Variants in ALS2CL observed in about 807,000 individuals in gnomAD.
ALS2CL encodes the protein ALS2 C-terminal like.
A neutral mutation model predicts 127.9 loss-of-function variants in ALS2CL; 112 were observed. The observed-to-expected ratio is 0.88, with a 90% CI of 0.75 to 1.02. The LOEUF (loss-of-function observed/expected upper bound fraction) is 1.02. Ranked by LOEUF, ALS2CL falls within the 50% of genes least tolerant of loss-of-function variation. The pLI, the probability that ALS2CL is intolerant of heterozygous loss-of-function variation, is 0.00. For synonymous variants in ALS2CL, 519 were observed against 527.6 expected, an observed-to-expected ratio of 0.98 and a Z score of 0.22; for missense variants, 1,174 against 1,236.7, an observed-to-expected ratio of 0.95 and a Z score of 0.76.
intron 16 of ALS2CL, 92 bp downstream of exon 16, chr3:46,678,167 A>C: frequency 1.5e-6 from 2 of 1,336,030 alleles, no homozygotes; most frequent in Non-Finnish European, 9.8e-7. Context: ...AGGTGGGTGC[A>C]AAAAGGCCCC....
chr3:46,680,180 T>C (rs966366103), intron 14 of ALS2CL: 6 of 501,310 alleles, frequency 1.2e-5, no homozygotes, highest in South Asian at 2.8e-5. Context: ...TGTTAGTTCA[T>C]TGAGTCTATG....
intron 9 of ALS2CL, 81 bp downstream of exon 9, chr3:46,683,701 C>G (rs1699543952): frequency 6.5e-7 from 1 of 1,541,732 alleles, no homozygotes; most frequent in Admixed American, 1.7e-5. Flanking sequence ...CTGTGGGGCC[C>G]TGCAGGGTTG....
At chr3:46,682,615 T>C (rs1270330324) in intron 10 of ALS2CL, among the ~76,000 whole-genome samples, 1 of 152,164 alleles carries the variant, frequency 6.6e-6, no homozygotes, top group East Asian at 1.9e-4. Flanking sequence ...ACATGGTCTA[T>C]AAAGGCTTGC....
chr3:46,671,203 G>C (rs555185785), intron 25 of ALS2CL, 139 bp from the exon 26 acceptor site: 37 of 1,044,370 alleles, frequency 3.5e-5, no homozygotes, highest in East Asian at 3.0e-4. Context: ...CTCAGCCACA[G>C]TCTGCGAGGA....
intron 10 of ALS2CL, among the ~76,000 whole-genome samples, chr3:46,682,486 G>A (rs947423325): frequency 1.1e-4 from 17 of 152,154 alleles, no homozygotes; most frequent in East Asian, 3.9e-4. Context: ...AAGTCTTCTC[G>A]AGCCCTTTCT....
intron 1 of ALS2CL, among the ~76,000 whole-genome samples, chr3:46,691,116 G>C (rs1700125039): frequency 6.6e-6 from 1 of 152,176 alleles, no homozygotes; most frequent in South Asian, 2.1e-4. Context: ...AGGACACAGG[G>C]GGCTCCAGGT....
intron 14 of ALS2CL, 90 bp from the exon 15 acceptor site, chr3:46,679,377 AT>A: frequency 8.8e-7 from 1 of 1,137,190 alleles, no homozygotes; most frequent in Non-Finnish European, 1.3e-6. Context: ...AAGAAGGGAG[AT>A]GTGCCCTGAC....
rs1483830464 is a variant in ALS2CL, at chr3:46,683,816, T to C, written c.878A>G (p.Glu293Gly). 6 of 1,614,068 alleles carry C rather than the reference T, an allele frequency of 3.7e-6. No individual in the cohort carries two copies. In the Middle Eastern group the frequency reaches 6.6e-4, roughly 178 times the overall value. The change falls in exon 9 of 26, where the codon GAG becomes GGG. Residue 293 changes from glutamate to glycine, a missense_variant. By Grantham distance (98) the Glu-to-Gly change is moderately conservative. Coordinates refer to ENST00000318962, the MANE Select transcript of ALS2CL (RefSeq NM_147129.5). ...GGAGTCCTTGGCACAAAAGGAGAAC[T>C]CTTCTTCGGGCGTGAGGAGGTGAAA... ...CTFHLLTPEE[E>G]FSFCAKDSQG...
At chr3:46,677,583 C>A in intron 16 of ALS2CL, 1 of 183,086 alleles carries the variant, frequency 5.5e-6, no homozygotes, top group Admixed American at 5.8e-5. Flanking sequence ...GGAGAAGCAG[C>A]ATGCAGGGAC....
At position 46,679,251 on chromosome 3, in the gene ALS2CL, A is replaced by G. The variant is rs1699125640; in HGVS notation, c.1585T>C (p.Tyr529His). 4 of 1,587,092 alleles carry G rather than the reference A, an allele frequency of 2.5e-6. No homozygotes were observed. The highest frequency in any genetic ancestry group is 1.7e-6 in the Non-Finnish European group (2 of 1,166,224). The change falls in exon 15 of 26, where the codon TAT becomes CAT. Residue 529 changes from tyrosine (Y) to histidine (H), a missense_variant. Transcript: ENST00000318962. ...AGGTCCCTGGTGAAGGTGCCCTCAT[A>G]CAGGGAGTCGTCTTCAGAGAGGAGG... ...GILLSEDDSL[Y>H]EGTFTRDLTL... is the part of the protein sequence containing the mutation.
chr3:46,683,208 T>A lies in ALS2CL; in HGVS notation c.1031A>T (p.Glu344Val). 6.2e-7 allele frequency: 1 copy of A among 1,610,238 alleles called. No homozygotes were observed. ...CCGGCCCTCTGCCTGGAAGGTATAT[T>A]CTGCGCAGCGGCAGTCGGGAGGCTG... The part of the protein sequence containing the change: ...PSQPPDCRCA[E>V]YTFQAEGRLC... The change falls in exon 10 of 26, where the codon GAA (glutamate) becomes GTA (valine). Residue 344 changes from glutamate (E) to valine (V), a missense_variant. By Grantham distance (121) the Glu-to-Val change is moderately radical. Coordinates refer to ENST00000318962, the MANE Select transcript of ALS2CL (RefSeq NM_147129.5).
chr3:46,674,554 G>C lies in ALS2CL; in HGVS notation c.2429+12C>G, dbSNP rs367838480. 6.2e-7 allele frequency: 1 copy of C among 1,607,472 alleles called. No homozygotes were observed. Among genetic ancestry groups the C allele is most frequent in the Non-Finnish European group, 8.5e-7 (1 of 1,176,768 alleles). On this transcript the variant is annotated intron_variant, in intron 21 of 25. Transcript: ENST00000318962. ...TCCTGGCTAACACGGCACGGGGGAA[G>C]GGAAGGCTTACTTCTGCACATCCAG...
chr3:46,683,776 A>G lies in ALS2CL; in HGVS notation c.912+6T>C. The G allele has an allele frequency of 6.2e-7, 1 of 1,613,434 alleles. No homozygotes were observed. The highest frequency in any genetic ancestry group is 2.2e-5 in the East Asian group (1 of 44,848). On this transcript the variant is annotated splice_donor_region_variant and intron_variant, in intron 9 of 25. Transcript: ENST00000318962. ...CTCCCGCAGTTCACAGCTCACCCACACTCACCTGGCCCTGGGAGTCCTTGG... is the reference window on the plus strand; with the variant it reads ...CTCCCGCAGTTCACAGCTCACCCACGCTCACCTGGCCCTGGGAGTCCTTGG...
rs1487935588 is a variant in ALS2CL, at chr3:46,691,760, G to GT, written c.-26+1882dup. On this transcript the variant is annotated intron_variant, in intron 1 of 25. Transcript: ENST00000318962. ...TTTTTTAGAGATGGGATCTCACTAT[G>GT]TTGACGAGGCTGGTCTCAAACTCCT... Among the ~76,000 whole-genome samples the GT allele has an allele frequency of 2.3e-5, 3 of 130,644 alleles. 1 individual carries two copies. Among genetic ancestry groups the GT allele is most frequent in the Non-Finnish European group, 4.8e-5 (3 of 63,110 alleles). The allele number at this position is 130,644 out of a possible 152,430, so 85.7% of individuals were successfully genotyped here.
intron 1 of ALS2CL, among the ~76,000 whole-genome samples, chr3:46,692,608 C>T (rs1055290763): frequency 6.6e-6 from 1 of 152,246 alleles, no homozygotes; most frequent in African/African-American, 2.4e-5. Flanking sequence ...GTGGGCAACT[C>T]ACCTGAGGCA....
Position 46,686,507 on chromosome 3 carries a change from C to A in ALS2CL, c.535-68G>T. On this transcript the variant is annotated intron_variant, in intron 5 of 25. Coordinates refer to ENST00000318962, the MANE Select transcript of ALS2CL (RefSeq NM_147129.5). This position sits in a 1 kb window ranked among gnomAD's most constrained non-coding sequence, Gnocchi z 4.3. ...AATCTTCCCTAGCCCAGTCCTGGTC[C>A]CGGCTGGTGGGGAGGCCTGAATCTA... is the stretch of plus-strand genomic sequence containing the variant. 2 of 1,549,782 alleles carry A rather than the reference C, an allele frequency of 1.3e-6. No individual in the cohort carries two copies. Among genetic ancestry groups the A allele is most frequent in the Non-Finnish European group, 1.7e-6 (2 of 1,146,126 alleles).
chr3:46,674,445 C>T (rs1698646983), intron 21 of ALS2CL, 121 bp downstream of exon 21: 4 of 1,296,112 alleles, frequency 3.1e-6, no homozygotes, highest in African/African-American at 1.5e-5. Flanking sequence ...CACCTGAATG[C>T]ATAAGCTTAG....
Position 46,676,902 on chromosome 3 carries a change from G to T in ALS2CL, c.1878C>A (p.Asp626Glu), listed in dbSNP as rs199667002. 3 of 1,611,544 alleles carry T rather than the reference G, an allele frequency of 1.9e-6. No homozygotes were observed. Among genetic ancestry groups the T allele is most frequent in the East Asian group, 2.2e-5 (1 of 44,612 alleles). Reference sequence around the variant, plus strand: ...TACGCAGCTCCCTGGAGCTCTGCACGTCGAAGCCCAGCAGGGCCTCCTGCA... The same window carrying T: ...TACGCAGCTCCCTGGAGCTCTGCACTTCGAAGCCCAGCAGGGCCTCCTGCA... ...RDLQEALLGFDVQSSRELRRS... is the reference protein window; with the variant it reads ...RDLQEALLGFEVQSSRELRRS... The change falls in exon 17 of 26, where the codon GAC (aspartate) becomes GAA (glutamate). Residue 626 changes from aspartate to glutamate, a missense_variant. By Grantham distance (45) the Asp-to-Glu change is conservative. Transcript: ENST00000318962.
At chr3:46,672,310 A>G in intron 22 of ALS2CL, 109 bp from the exon 23 acceptor site, 2 of 1,363,828 alleles carry the variant, frequency 1.5e-6, no homozygotes, top group Non-Finnish European at 2.0e-6. Flanking sequence ...CTTCACTGCC[A>G]GCTTTAGTGC....
Sources: allele counts gnomAD v4.1 joint callset (sites outside exome capture counted in the v4.1 genomes callset), GRCh38; gene constraint gnomAD v4.1.1; non-coding constraint Gnocchi (gnomAD v3.1); transcripts MANE v1.5; gene names NCBI Gene and HGNC (gene_info 2026-07-23, HGNC 2026-07-21).